The following RIMKLB variants were observed in gnomAD, a reference collection of about 807,000 sequenced individuals.
RIMKLB encodes the protein ribosomal modification protein rimK like family member B.
A neutral mutation model predicts 32.0 loss-of-function variants in RIMKLB; 7 were observed. The ratio of observed to expected loss-of-function variants is 0.22; its 90% confidence interval spans 0.12 to 0.41. RIMKLB has a LOEUF of 0.41. Among genes scored for constraint, RIMKLB ranks in the 10% least tolerant of loss-of-function variants. RIMKLB has a pLI of 1.00. For missense variants in RIMKLB, 289 were observed against 498.7 expected (o/e 0.58, Z 4.00); for synonymous variants, 172 against 185.1 (o/e 0.93, Z 0.57).
At chr12:8,733,874 G>T (rs1946764689) in intron 2 of RIMKLB, among the ~76,000 whole-genome samples, 1 of 152,162 alleles carries the variant, frequency 6.6e-6, no homozygotes, top group South Asian at 2.1e-4. Flanking sequence ...GTGAGACCCT[G>T]TCTCTGGATA....
At chr12:8,726,006 C>T (rs1168339981) in intron 2 of RIMKLB, among the ~76,000 whole-genome samples, 1 of 152,188 alleles carries the variant, frequency 6.6e-6, no homozygotes, top group Non-Finnish European at 1.5e-5. Flanking sequence ...TGCCATCATG[C>T]CCAGCTAATT....
intron 4 of RIMKLB, 38 bp from the exon 5 acceptor site, chr12:8,753,852 G>C: frequency 6.6e-7 from 1 of 1,525,282 alleles, no homozygotes; most frequent in Middle Eastern, 1.7e-4. Flanking sequence ...GCCCACAATT[G>C]ATGACTTAAC....
intron 1 of RIMKLB, among the ~76,000 whole-genome samples, chr12:8,706,573 C>T (rs1943901678): frequency 6.6e-6 from 1 of 151,700 alleles, no homozygotes; most frequent in Non-Finnish European, 1.5e-5. Context: ...GGCTCAGCCT[C>T]CTGAGTAGCT....
chr12:8,743,756 A>T (rs1380894232), intron 2 of RIMKLB, among the ~76,000 whole-genome samples: 4 of 151,882 alleles, frequency 2.6e-5, no homozygotes, highest in Admixed American at 2.0e-4. Context: ...AGGAACAAAG[A>T]TTGCTTCCCC....
At chr12:8,680,646 G>T (rs373139135), upstream of RIMKLB, among the ~76,000 whole-genome samples, 8 of 152,150 alleles carry the variant, frequency 5.3e-5, no homozygotes, top group African/African-American at 1.9e-4. Flanking sequence ...AACCCTCTCC[G>T]GGGGTTTGGA....
chr12:8,704,396 A>T (rs1943667826), intron 1 of RIMKLB, among the ~76,000 whole-genome samples: 2 of 151,836 alleles, frequency 1.3e-5, no homozygotes, highest in African/African-American at 2.4e-5. Context: ...AAAAAAAAAA[A>T]TTGATTTGGT....
chr12:8,744,098 T>C (rs1947849577), intron 2 of RIMKLB, among the ~76,000 whole-genome samples: 1 of 151,930 alleles, frequency 6.6e-6, no homozygotes, highest in African/African-American at 2.4e-5. Context: ...AACCATTCCT[T>C]TTATATCCAT....
At chr12:8,718,993 C>A (rs1945167131) in intron 2 of RIMKLB, among the ~76,000 whole-genome samples, 1 of 152,070 alleles carries the variant, frequency 6.6e-6, no homozygotes, top group Non-Finnish European at 1.5e-5. Flanking sequence ...AGAATAGTTT[C>A]CCTGCACTAA....
chr12:8,738,705 G>A (rs933135038), intron 2 of RIMKLB, among the ~76,000 whole-genome samples: 12 of 152,222 alleles, frequency 7.9e-5, no homozygotes, highest in African/African-American at 2.9e-4. Context: ...GAGAATTACA[G>A]TGTTCATGGG....
the RIMKLB span, among the ~76,000 whole-genome samples, chr12:8,672,944 C>A: frequency 3.5e-4 from 53 of 152,292 alleles, no homozygotes; most frequent in African/African-American, 1.2e-3. Context: ...TTAAGTGGTG[C>A]CATCTTGACT....
chr12:8,697,670 C>A, upstream of RIMKLB: 1 of 291,426 alleles, frequency 3.4e-6, no homozygotes, highest in Non-Finnish European at 7.4e-6. Flanking sequence ...CTCGGAGCGC[C>A]CTCGCGCTCC....
intron 5 of RIMKLB, among the ~76,000 whole-genome samples, chr12:8,770,856 C>G (rs1950343313): frequency 6.6e-6 from 1 of 152,180 alleles, no homozygotes; most frequent in African/African-American, 2.4e-5. Flanking sequence ...GAACTTCTGA[C>G]CAACTGGCTT....
At chr12:8,760,539 A>AACT (rs1485695994) in intron 5 of RIMKLB, among the ~76,000 whole-genome samples, 2 of 152,200 alleles carry the variant, frequency 1.3e-5, no homozygotes, top group African/African-American at 4.8e-5. Flanking sequence ...ACAATGGTTG[A>AACT]ACTACTTTAC....
intron 5 of RIMKLB, among the ~76,000 whole-genome samples, chr12:8,768,175 G>A (rs113093064): frequency 3.2e-4 from 49 of 152,330 alleles, no homozygotes; most frequent in African/African-American, 1.1e-3. Context: ...TGTTCAGCTC[G>A]ATTAGGAAGA....
At chr12:8,772,443 C>T (rs1325512629) in intron 5 of RIMKLB, among the ~76,000 whole-genome samples, 1 of 152,214 alleles carries the variant, frequency 6.6e-6, no homozygotes, top group Non-Finnish European at 1.5e-5. Context: ...AGGGCTCACT[C>T]AGCTTGGGTT....
chr12:8,707,677 C>T (rs1035624282), intron 1 of RIMKLB, among the ~76,000 whole-genome samples: 2 of 152,120 alleles, frequency 1.3e-5, no homozygotes, highest in African/African-American at 4.8e-5. Flanking sequence ...TGGTGACCAG[C>T]CTCCATACTA....
the RIMKLB span, among the ~76,000 whole-genome samples, chr12:8,674,460 C>T: frequency 6.6e-6 from 1 of 151,782 alleles, no homozygotes; most frequent in Non-Finnish European, 1.5e-5. Context: ...AGGATGGTCT[C>T]GATCTCCTGA....
At chr12:8,745,954 T>TA (rs1948048039) in intron 2 of RIMKLB, among the ~76,000 whole-genome samples, 2 of 149,230 alleles carry the variant, frequency 1.3e-5, no homozygotes, top group Non-Finnish European at 3.0e-5. Context: ...CTCGGCTTCC[T>TA]AAAGTGCTGG....
At chr12:8,758,917 A>C (rs1949302224) in intron 5 of RIMKLB, among the ~76,000 whole-genome samples, 2 of 152,160 alleles carry the variant, frequency 1.3e-5, no homozygotes, top group Non-Finnish European at 2.9e-5. Context: ...CTATGGGTAG[A>C]TATCTGATAG....
Sources: allele counts gnomAD v4.1 joint callset (sites outside exome capture counted in the v4.1 genomes callset), GRCh38; gene constraint gnomAD v4.1.1; transcripts MANE v1.5; gene names NCBI Gene and HGNC (gene_info 2026-07-23, HGNC 2026-07-21).